CREB3L2: variants seen among roughly 807,000 people sequenced by gnomAD.
CREB3L2 encodes cyclic AMP-responsive element-binding protein 3-like protein 2.
In CREB3L2, 23 loss-of-function variants were observed where a neutral mutation model predicts 57.2. The observed-to-expected ratio is 0.40, with a 90% CI of 0.29 to 0.57. CREB3L2 has a LOEUF of 0.57. CREB3L2 is among the 20% of genes least tolerant of loss of function. The pLI, the probability that CREB3L2 is intolerant of heterozygous loss-of-function variation, is 0.42. For synonymous variants in CREB3L2, 268 were observed against 265.1 expected (o/e 1.01, Z -0.11); for missense variants, 628 against 634.7 (o/e 0.99, Z 0.11).
intron 2 of CREB3L2, among the ~76,000 whole-genome samples, chr7:137,926,639 G>A (rs1800466654): frequency 6.6e-6 from 1 of 152,058 alleles, no homozygotes; most frequent in African/African-American, 2.4e-5. Flanking sequence ...GGGTTGATAG[G>A]TGCAGCCACC....
At chr7:137,974,122 T>C (rs1801564681) in intron 1 of CREB3L2, among the ~76,000 whole-genome samples, 1 of 152,166 alleles carries the variant, frequency 6.6e-6, no homozygotes, top group South Asian at 2.1e-4. Context: ...ACCTACCCCA[T>C]TGGTTTCATT....
At position 137,992,822 on chromosome 7, in the gene CREB3L2, T is replaced by C. The variant is rs148265042; in HGVS notation, c.102+8782A>G. Among the ~76,000 whole-genome samples the C allele has an allele frequency of 2.7e-3, 417 of 152,256 alleles. 3 individuals are homozygous for C. Among genetic ancestry groups the C allele is most frequent in the African/African-American group, 9.7e-3 (403 of 41,538 alleles). Reference sequence around the variant, plus strand: ...TGGTCAGTATTGCCAAATAGTCCCATGAGGCCCTGCAGGTAAGGACAGAGA... The same window carrying C: ...TGGTCAGTATTGCCAAATAGTCCCACGAGGCCCTGCAGGTAAGGACAGAGA... On this transcript the variant is annotated intron_variant, in intron 1 of 11. Transcript: ENST00000330387.
In CREB3L2 at chr7:137,879,254, CA is replaced by C; in HGVS notation, c.*1221del. 1 of 535,318 alleles carries C rather than the reference CA, an allele frequency of 1.9e-6. No homozygotes were observed. The highest frequency in any genetic ancestry group is 3.9e-5 in the East Asian group (1 of 25,516). 33.2% of individuals were successfully genotyped at this position (535,318 alleles called of 1,614,324 possible). On this transcript the variant is annotated 3_prime_UTR_variant, in exon 12 of 12. Coordinates refer to ENST00000330387, the MANE Select transcript of CREB3L2 (RefSeq NM_194071.4). ...CTGCAAAGTAGCCAAACCTGACTAC[CA>C]AAGGTAAGAATGTGGATACACAAAT...
chr7:137,987,171 A>C, intron 1 of CREB3L2, among the ~76,000 whole-genome samples: 1 of 152,216 alleles, frequency 6.6e-6, no homozygotes. Flanking sequence ...GGTAGGAAGT[A>C]AAAAGTCAAA....
chr7:137,955,323 C>T lies in CREB3L2; in HGVS notation c.103-26957G>A, dbSNP rs569714316. The stretch of plus-strand genomic sequence containing the variant: ...AAAGCCCTGGTGGATTGAAGCTGGT[C>T]GCATCCTGGTTTGGTAAGCACCACA... On this transcript the variant is annotated intron_variant, in intron 1 of 11. Coordinates refer to ENST00000330387, the MANE Select transcript of CREB3L2 (RefSeq NM_194071.4). The T allele has an allele frequency of 9.2e-5, 118 of 1,289,016 alleles. 3 individuals are homozygous for T. The highest frequency in any genetic ancestry group is 8.5e-4 in the Middle Eastern group (4 of 4,690). The allele number at this position is 1,289,016 out of a possible 1,614,324, so 79.8% of individuals were successfully genotyped here.
At chr7:137,970,440 G>A (rs749831064) in intron 1 of CREB3L2, among the ~76,000 whole-genome samples, 5 of 152,170 alleles carry the variant, frequency 3.3e-5, no homozygotes, top group African/African-American at 4.8e-5. Context: ...ATCTTTTAAC[G>A]AGAGAATGGG....
At chr7:137,959,517 C>G (rs1801280649) in intron 1 of CREB3L2, among the ~76,000 whole-genome samples, 1 of 152,228 alleles carries the variant, frequency 6.6e-6, no homozygotes, top group Non-Finnish European at 1.5e-5. Flanking sequence ...GTCCAAATTG[C>G]TGGTTCACAG....
chr7:137,909,703 G>C (rs559302047), intron 4 of CREB3L2, among the ~76,000 whole-genome samples: 1 of 152,212 alleles, frequency 6.6e-6, no homozygotes, highest in Non-Finnish European at 1.5e-5. Context: ...GGATGGGAAG[G>C]GCTCTCCTGA....
chr7:137,995,048 C>T (rs1801963905), intron 1 of CREB3L2, among the ~76,000 whole-genome samples: 1 of 152,148 alleles, frequency 6.6e-6, no homozygotes, highest in Non-Finnish European at 1.5e-5. Context: ...CAGCCATTGG[C>T]TTAAGAATGG....
At chr7:137,993,975 A>C (rs779630212) in intron 1 of CREB3L2, among the ~76,000 whole-genome samples, 4 of 152,240 alleles carry the variant, frequency 2.6e-5, no homozygotes, top group Admixed American at 6.5e-5. Context: ...AGGAAAAATC[A>C]AGATCCCTTA....
rs144058990 is a variant in CREB3L2 at position 137,878,125 on chromosome 7, G to C, written c.*2351C>G. The C allele has an allele frequency of 4.4e-6, 1 of 229,752 alleles. No homozygotes were observed. The highest frequency in any genetic ancestry group is 6.2e-5 in the East Asian group (1 of 16,092). 14.2% of individuals were successfully genotyped at this position (229,752 alleles called of 1,614,324 possible). A position where few individuals can be genotyped will look rare whatever the true frequency, so the allele number is the denominator to read the frequency against. On this transcript the variant is annotated 3_prime_UTR_variant, in exon 12 of 12. Transcript: ENST00000330387. ...GAAAGAGTCCTGCTGTTTGGAGGTC[G>C]AGAGAGAGTGACGTCAAGCAAGCGT...
At position 137,928,252 on chromosome 7, in the gene CREB3L2, G is replaced by C. The variant is rs1462400279; in HGVS notation, c.217C>G (p.Pro73Ala). The change falls in exon 2 of 12, where the codon CCG becomes GCG. Residue 73 changes from proline to alanine, a missense_variant. This residue lies in a region of CREB3L2 where 339 missense variants were observed against 355.4 expected (regional missense o/e 0.95). Transcript: ENST00000330387. Reference protein sequence around the residue: ...SMEVEPSPTSPAPLIQAEHSY... With the variant: ...SMEVEPSPTSAAPLIQAEHSY... ...TGCTCAGCCTGGATGAGAGGCGCCG[G>C]GGACGTCGGGGAAGGTTCCACCTCC... is the stretch of plus-strand genomic sequence containing the variant. 2 of 1,613,598 alleles carry C rather than the reference G, an allele frequency of 1.2e-6. No individual in the cohort carries two copies. Among genetic ancestry groups the C allele is most frequent in the Non-Finnish European group, 1.7e-6 (2 of 1,179,774 alleles).
At chr7:137,902,498 C>T (rs273971) in intron 7 of CREB3L2, among the ~76,000 whole-genome samples, 115,470 of 151,972 alleles carry the variant, frequency 0.76, 44,937 homozygotes, top group African/African-American at 0.94. Context: ...AGTAAAGAGA[C>T]TTTCATAGGA....
chr7:137,965,897 T>C (rs1801399783), intron 1 of CREB3L2, among the ~76,000 whole-genome samples: 1 of 152,184 alleles, frequency 6.6e-6, no homozygotes, highest in East Asian at 1.9e-4. Context: ...TGAGGGTGTA[T>C]CACAATCACC....
chr7:137,962,893 C>T (rs560333897), intron 1 of CREB3L2, among the ~76,000 whole-genome samples: 3 of 152,292 alleles, frequency 2.0e-5, no homozygotes, highest in African/African-American at 7.2e-5. Flanking sequence ...TCCTCGCACT[C>T]ATCCCCCAGC....
chr7:137,887,436 C>T (rs1048929664), intron 8 of CREB3L2, among the ~76,000 whole-genome samples: 4 of 152,170 alleles, frequency 2.6e-5, no homozygotes, highest in African/African-American at 4.8e-5. Context: ...GGGCCAGGCG[C>T]GGTGGCTCAC....
At chr7:137,892,217 A>G (rs761620903) in intron 8 of CREB3L2, among the ~76,000 whole-genome samples, 3 of 152,196 alleles carry the variant, frequency 2.0e-5, no homozygotes, top group Non-Finnish European at 4.4e-5. Context: ...TGAAGCATTC[A>G]TATTAGTGAG....
At chr7:137,928,804 A>G (rs541534936) in intron 1 of CREB3L2, among the ~76,000 whole-genome samples, 358 of 152,214 alleles carry the variant, frequency 2.4e-3, no homozygotes, top group Non-Finnish European at 4.0e-3. Context: ...CACCCTCCAC[A>G]TTCTTTTGGT....
chr7:137,906,426 T>A (rs1799892694), intron 5 of CREB3L2, among the ~76,000 whole-genome samples: 1 of 152,184 alleles, frequency 6.6e-6, no homozygotes, highest in African/African-American at 2.4e-5. Context: ...GCACATCTCA[T>A]GGAACCCACA....
Sources: gnomAD v4.1 joint callset for allele counts (sites outside exome capture counted in the v4.1 genomes callset) on GRCh38, gnomAD v4.1.1 for gene constraint, gnomAD v4.1.1 regional missense constraint, MANE v1.5 for transcripts, NCBI Gene and HGNC (gene_info 2026-07-23, HGNC 2026-07-21) for gene names.